Variants in C12orf42 observed in about 807,000 individuals in gnomAD.
C12orf42 encodes chromosome 12 open reading frame 42, also known as uncharacterized protein C12orf42.
In C12orf42, 25 loss-of-function variants were observed where a neutral mutation model predicts 21.6. The observed-to-expected ratio is 1.16, with a 90% CI of 0.84 to 1.62. The LOEUF is 1.62. Among genes scored for constraint, C12orf42 ranks in the 40% most tolerant of loss-of-function variants. The probability of loss-of-function intolerance (pLI) is 0.00; values close to 1 mark genes in which losing one functional copy is unlikely to be tolerated. For missense variants in C12orf42, 483 were observed against 459.3 expected (o/e 1.05, Z -0.47); for synonymous variants, 174 against 175.0 (o/e 0.99, Z 0.05).
At chr12:103,225,882 C>A in the C12orf42 span, among the ~76,000 whole-genome samples, 7,792 of 152,180 alleles carry the variant, frequency 0.051, 266 homozygotes, top group African/African-American at 0.09. Flanking sequence ...TGAGAGTTAC[C>A]CGAAGCTCGG....
At chr12:103,376,407 G>C (rs745815738) in intron 3 of C12orf42, among the ~76,000 whole-genome samples, 35 of 152,048 alleles carry the variant, frequency 2.3e-4, no homozygotes, top group Non-Finnish European at 4.3e-4. Context: ...GGCCTGTCGA[G>C]GGGTGGGGGG....
At chr12:103,198,168 T>C in the C12orf42 span, among the ~76,000 whole-genome samples, 1 of 152,096 alleles carries the variant, frequency 6.6e-6, no homozygotes, top group Non-Finnish European at 1.5e-5. Context: ...GCATACACAT[T>C]CCAGTAACAC....
chr12:103,050,219 G>GGTGTGTGTGTGT, the C12orf42 span, among the ~76,000 whole-genome samples: 17 of 148,750 alleles, frequency 1.1e-4, no homozygotes, highest in African/African-American at 3.9e-4. Flanking sequence ...TTTTCTCACA[G>GGTGTGTGTGTGT]GTGTGTGTGT....
At chr12:103,177,857 T>TTG in the C12orf42 span, among the ~76,000 whole-genome samples, 274 of 122,732 alleles carry the variant, frequency 2.2e-3, 1 homozygote, top group African/African-American at 5.6e-3. Flanking sequence ...GTGTGTGTGT[T>TTG]TGTGTGTGTG....
intron 4 of C12orf42, among the ~76,000 whole-genome samples, chr12:103,357,314 T>TAAC (rs2043678318): frequency 6.6e-6 from 1 of 151,460 alleles, no homozygotes. Flanking sequence ...AAATAAAAAA[T>TAAC]AATAATAATA....
chr12:103,128,391 G>A, the C12orf42 span, among the ~76,000 whole-genome samples: 1 of 152,212 alleles, frequency 6.6e-6, no homozygotes, highest in African/African-American at 2.4e-5. Flanking sequence ...TATGGGGGGA[G>A]GGGGAGCAAT....
At chr12:103,522,725 G>A in the C12orf42 span, among the ~76,000 whole-genome samples, 4 of 152,320 alleles carry the variant, frequency 2.6e-5, no homozygotes, top group East Asian at 7.7e-4. Context: ...ACAGTAACCA[G>A]CTAATAACAC....
chr12:103,190,303 T>C, the C12orf42 span, among the ~76,000 whole-genome samples: 1 of 152,216 alleles, frequency 6.6e-6, no homozygotes, highest in Non-Finnish European at 1.5e-5. Context: ...TTCTTCTGCC[T>C]GCTTTGTTCT....
chr12:103,061,702 G>C, the C12orf42 span, among the ~76,000 whole-genome samples: 2 of 151,204 alleles, frequency 1.3e-5, no homozygotes, highest in African/African-American at 4.9e-5. Context: ...AGCTTTCTTT[G>C]GTTAGTGTTT....
At chr12:103,401,560 G>T (rs761133142) in intron 3 of C12orf42, 47 bp downstream of exon 3, 2 of 1,533,454 alleles carry the variant, frequency 1.3e-6, no homozygotes, top group African/African-American at 1.4e-5. Flanking sequence ...GAACCCTAAA[G>T]GACGGCACTA....
the C12orf42 span, among the ~76,000 whole-genome samples, chr12:103,534,521 C>A: frequency 6.6e-6 from 1 of 152,084 alleles, no homozygotes; most frequent in African/African-American, 2.4e-5. Flanking sequence ...AATGAATGAG[C>A]TCATTCATTC....
chr12:103,543,884 T>G, the C12orf42 span, among the ~76,000 whole-genome samples: 35 of 112,874 alleles, frequency 3.1e-4, 2 homozygotes, highest in African/African-American at 1.1e-3. Context: ...TTTTGGGTTT[T>G]TTTTTTGTTT....
chr12:103,177,819 C>T, the C12orf42 span, among the ~76,000 whole-genome samples: 1 of 151,948 alleles, frequency 6.6e-6, no homozygotes, highest in Non-Finnish European at 1.5e-5. Flanking sequence ...TAGTCATCCT[C>T]ATCCCTTTTA....
intron 5 of C12orf42, among the ~76,000 whole-genome samples, chr12:103,270,540 A>C (rs550317054): frequency 7.4e-5 from 11 of 149,178 alleles, no homozygotes; most frequent in Admixed American, 2.0e-4. Context: ...TTATTTTTTT[A>C]AGATTTGATC....
chr12:103,120,708 TATA>T, the C12orf42 span, among the ~76,000 whole-genome samples: 1 of 149,902 alleles, frequency 6.7e-6, no homozygotes, highest in African/African-American at 2.4e-5. Context: ...TTATTATTAC[TATA>T]ATATCTGTTA....
the C12orf42 span, among the ~76,000 whole-genome samples, chr12:103,070,176 G>A: frequency 2.0e-5 from 3 of 152,270 alleles, no homozygotes; most frequent in African/African-American, 7.2e-5. Context: ...CGTCTGAAGT[G>A]AAAAACTCCA....
the C12orf42 span, among the ~76,000 whole-genome samples, chr12:103,119,321 A>C: frequency 2.6e-5 from 4 of 152,214 alleles, no homozygotes; most frequent in Admixed American, 6.5e-5. Flanking sequence ...AACACATGAG[A>C]AGGAGGAGCA....
chr12:103,134,785 C>T, the C12orf42 span, among the ~76,000 whole-genome samples: 1 of 152,020 alleles, frequency 6.6e-6, no homozygotes, highest in Non-Finnish European at 1.5e-5. Flanking sequence ...TAGATAAATG[C>T]AAAAACTTCT....
chr12:103,088,794 G>C, the C12orf42 span, among the ~76,000 whole-genome samples: 7 of 152,154 alleles, frequency 4.6e-5, no homozygotes, highest in Non-Finnish European at 8.8e-5. Flanking sequence ...GGAGAGATCC[G>C]TGCAGTGAGA....
Sources: allele counts gnomAD v4.1 joint callset (sites outside exome capture counted in the v4.1 genomes callset), GRCh38; gene constraint gnomAD v4.1.1; transcripts MANE v1.5; gene names NCBI Gene and HGNC (gene_info 2026-07-23, HGNC 2026-07-21).